Variants in CNTNAP2 observed in about 807,000 individuals in gnomAD.
The protein encoded by CNTNAP2 is contactin associated protein 2, also known as contactin-associated protein-like 2.
CNTNAP2 carries 98 observed loss-of-function variants against 155.2 expected under a neutral mutation model. The ratio of observed to expected loss-of-function variants is 0.63; its 90% CI spans 0.54 to 0.75. The LOEUF is 0.75. CNTNAP2 is among the 30% of genes least tolerant of loss of function. The pLI, the probability that CNTNAP2 is intolerant of heterozygous loss-of-function variation, is 0.00. For synonymous variants in CNTNAP2, 651 were observed against 631.2 expected (o/e 1.03, Z -0.47); for missense variants, 1,727 against 1,688.1 (o/e 1.02, Z -0.40).
intron 1 of CNTNAP2, among the ~76,000 whole-genome samples, chr7:146,697,172 A>C (rs1044489703): frequency 6.6e-6 from 1 of 152,156 alleles, no homozygotes; most frequent in African/African-American, 2.4e-5. Context: ...TTGACACTCC[A>C]TTAGGCACAG....
At chr7:146,509,549 C>G (rs1295924175) in intron 1 of CNTNAP2, among the ~76,000 whole-genome samples, 4 of 152,130 alleles carry the variant, frequency 2.6e-5, no homozygotes, top group Non-Finnish European at 5.9e-5. Flanking sequence ...CCCCTGGGGC[C>G]TCAATGACTT....
chr7:147,282,046 A>T (rs1431050234), intron 8 of CNTNAP2, among the ~76,000 whole-genome samples: 1 of 151,882 alleles, frequency 6.6e-6, no homozygotes, highest in East Asian at 1.9e-4. Flanking sequence ...CTTCAGACCA[A>T]GAGTGACTTA....
At chr7:147,079,626 C>A (rs562672161) in intron 4 of CNTNAP2, among the ~76,000 whole-genome samples, 219 of 149,696 alleles carry the variant, frequency 1.5e-3, no homozygotes, top group Middle Eastern at 3.6e-3. Flanking sequence ...AATAATAATG[C>A]TAATAATAAT....
At chr7:147,916,432 G>T (rs574629497) in intron 14 of CNTNAP2, among the ~76,000 whole-genome samples, 94 of 152,250 alleles carry the variant, frequency 6.2e-4, no homozygotes, top group Non-Finnish European at 1.0e-3. Context: ...AGCAAAGAGA[G>T]CGATTAATCA....
At chr7:147,434,855 C>T (rs1797525719) in intron 10 of CNTNAP2, among the ~76,000 whole-genome samples, 1 of 152,210 alleles carries the variant, frequency 6.6e-6, no homozygotes, top group South Asian at 2.1e-4. Context: ...TCCTCTTCCT[C>T]CTCTTTAGAC....
At chr7:146,613,930 G>A (rs193173238) in intron 1 of CNTNAP2, among the ~76,000 whole-genome samples, 2 of 152,228 alleles carry the variant, frequency 1.3e-5, no homozygotes, top group East Asian at 3.9e-4. Context: ...GAAATATTTA[G>A]CAGTAAATAA....
intron 1 of CNTNAP2, among the ~76,000 whole-genome samples, chr7:146,354,899 G>A (rs1794975737): frequency 6.6e-6 from 1 of 152,260 alleles, no homozygotes; most frequent in South Asian, 2.1e-4. Context: ...CATATCAATG[G>A]CATAAATATT....
At chr7:146,456,049 T>A (rs1036681918) in intron 1 of CNTNAP2, among the ~76,000 whole-genome samples, 7 of 152,116 alleles carry the variant, frequency 4.6e-5, no homozygotes, top group African/African-American at 1.7e-4. Flanking sequence ...GTGGAGAGTT[T>A]TTTCTTAAAA....
intron 1 of CNTNAP2, among the ~76,000 whole-genome samples, chr7:146,224,733 C>T (rs1203428640): frequency 6.6e-6 from 1 of 152,142 alleles, no homozygotes; most frequent in African/African-American, 2.4e-5. Context: ...CGCGCCACTG[C>T]ACTCCAGCCT....
At chr7:146,247,346 C>A (rs1000274329) in intron 1 of CNTNAP2, among the ~76,000 whole-genome samples, 1 of 152,026 alleles carries the variant, frequency 6.6e-6, no homozygotes, top group Non-Finnish European at 1.5e-5. Context: ...AACTGTAAGC[C>A]GGACCGGGTG....
chr7:146,647,246 T>C (rs2129162828), intron 1 of CNTNAP2, among the ~76,000 whole-genome samples: 1 of 152,316 alleles, frequency 6.6e-6, no homozygotes, highest in East Asian at 1.9e-4. Flanking sequence ...GGCTCCATTC[T>C]GGACTTTATC....
At chr7:146,853,426 A>G (rs550391772) in intron 3 of CNTNAP2, among the ~76,000 whole-genome samples, 3 of 152,200 alleles carry the variant, frequency 2.0e-5, no homozygotes, top group East Asian at 3.9e-4. Flanking sequence ...ACTACACACT[A>G]ACTATTAATC....
At chr7:146,846,485 A>G (rs1024001411) in intron 3 of CNTNAP2, among the ~76,000 whole-genome samples, 9 of 152,134 alleles carry the variant, frequency 5.9e-5, no homozygotes, top group Non-Finnish European at 1.3e-4. Flanking sequence ...TACTCCTCTT[A>G]GGCTGGATAA....
chr7:147,954,308 T>C (rs998503664), intron 14 of CNTNAP2, among the ~76,000 whole-genome samples: 1 of 152,130 alleles, frequency 6.6e-6, no homozygotes, highest in Admixed American at 6.6e-5. Context: ...TAGAGTTATT[T>C]CAGATGTTAT....
chr7:146,997,643 A>C (rs1200766011), intron 3 of CNTNAP2, among the ~76,000 whole-genome samples: 1 of 152,032 alleles, frequency 6.6e-6, no homozygotes, highest in Non-Finnish European at 1.5e-5. Context: ...AGTTCTTTAA[A>C]TGTCTGGTAG....
intron 9 of CNTNAP2, among the ~76,000 whole-genome samples, chr7:147,377,629 T>G (rs1053574743): frequency 2.6e-5 from 4 of 151,768 alleles, no homozygotes; most frequent in African/African-American, 9.7e-5. Context: ...ATTTTTTCAT[T>G]TTTTGTTTTT....
intron 7 of CNTNAP2, 104 bp from the exon 8 acceptor site, chr7:147,132,141 A>G: frequency 1.4e-6 from 2 of 1,439,902 alleles, no homozygotes; most frequent in Non-Finnish European, 1.9e-6. Flanking sequence ...GCTTAGGCTC[A>G]GGCTGTGCTT....
At chr7:146,547,622 C>T (rs919377564) in intron 1 of CNTNAP2, among the ~76,000 whole-genome samples, 2 of 151,860 alleles carry the variant, frequency 1.3e-5, no homozygotes, top group Admixed American at 6.6e-5. Context: ...GTATAATATC[C>T]TCAAGATTCA....
chr7:147,480,884 C>T (rs1232840769), intron 10 of CNTNAP2, among the ~76,000 whole-genome samples: 3 of 152,190 alleles, frequency 2.0e-5, no homozygotes, highest in African/African-American at 7.2e-5. Flanking sequence ...TCCCAGACTC[C>T]AATCCTGACC....
Sources: allele counts gnomAD v4.1 joint callset (sites outside exome capture counted in the v4.1 genomes callset), GRCh38; gene constraint gnomAD v4.1.1; transcripts MANE v1.5; gene names NCBI Gene and HGNC (gene_info 2026-07-23, HGNC 2026-07-21).